RBFOX1: variants seen among roughly 807,000 people sequenced by gnomAD.
RBFOX1 encodes the protein RNA binding protein fox-1 homolog 1.
Under a neutral mutation model 57.7 loss-of-function variants are expected in RBFOX1, and 8 were observed. The observed-to-expected ratio is 0.14, with a 90% CI of 0.08 to 0.25. RBFOX1 has a LOEUF of 0.25. RBFOX1 is among the 10% of genes least tolerant of loss of function. RBFOX1 has a pLI of 1.00. For synonymous variants in RBFOX1, 326 were observed against 222.4 expected, an observed-to-expected ratio of 1.47 and a Z score of -4.15; for missense variants, 611 against 548.5, an observed-to-expected ratio of 1.11 and a Z score of -1.14.
Position 6,270,757 on chromosome 16 carries a change from AC to A in RBFOX1, c.-126-46237del, listed in dbSNP as rs759614640. Reference sequence around the variant, plus strand: ...TCAACATTATAGAACACTCCCAATGACAGCAGAAGGCGTTTCTTTTTCATGT... The same window carrying A: ...TCAACATTATAGAACACTCCCAATGAAGCAGAAGGCGTTTCTTTTTCATGT... On this transcript the variant is annotated intron_variant, in intron 1 of 15. Transcript: ENST00000550418. 3.3e-5 allele frequency among the ~76,000 whole-genome samples: 5 copies of A among 152,228 alleles called. 1 individual carries two copies. Among genetic ancestry groups the A allele is most frequent in the Admixed American group, 6.5e-5 (1 of 15,280 alleles).
chr16:6,328,872 A>G (rs2082679730), intron 2 of RBFOX1, among the ~76,000 whole-genome samples: 1 of 152,126 alleles, frequency 6.6e-6, no homozygotes, highest in Non-Finnish European at 1.5e-5. Context: ...GTTAAAGAAA[A>G]CCTTGTGCTC....
chr16:6,271,310 G>C (rs1326861023), intron 1 of RBFOX1, among the ~76,000 whole-genome samples: 1 of 152,156 alleles, frequency 6.6e-6, no homozygotes, highest in Non-Finnish European at 1.5e-5. Flanking sequence ...TGTAGTCCCA[G>C]CTACTGGGGA....
chr16:6,355,579 G>C (rs758296052), intron 2 of RBFOX1, among the ~76,000 whole-genome samples: 15 of 152,148 alleles, frequency 9.9e-5, no homozygotes, highest in Admixed American at 2.6e-4. Flanking sequence ...ATTGTGAATA[G>C]TGACACAATA....
intron 1 of RBFOX1, among the ~76,000 whole-genome samples, chr16:5,455,015 CTT>C (rs1491521279): frequency 7.0e-5 from 8 of 114,364 alleles, no homozygotes; most frequent in Admixed American, 2.0e-4. Context: ...TTCTTTCTTT[CTT>C]TCTTTCTCTC....
chr16:7,101,615 G>A (rs1353262898), intron 4 of RBFOX1, among the ~76,000 whole-genome samples: 1 of 152,140 alleles, frequency 6.6e-6, no homozygotes, highest in Admixed American at 6.5e-5. Context: ...AGACTCTGAT[G>A]AAAGGTTACT....
intron 4 of RBFOX1, among the ~76,000 whole-genome samples, chr16:5,899,081 C>G (rs12921038): frequency 0.29 from 41,916 of 143,482 alleles, 7,352 homozygotes; most frequent in South Asian, 0.51. Flanking sequence ...TTCCAGATCA[C>G]AAGCCCTTCT....
At chr16:6,553,788 A>G (rs1034089398) in intron 2 of RBFOX1, among the ~76,000 whole-genome samples, 1 of 152,146 alleles carries the variant, frequency 6.6e-6, no homozygotes, top group Non-Finnish European at 1.5e-5. Context: ...ACAGTTTCCT[A>G]AAGGGTAGAA....
chr16:7,463,649 C>T (rs1336635518), intron 4 of RBFOX1, among the ~76,000 whole-genome samples: 1 of 152,186 alleles, frequency 6.6e-6, no homozygotes, highest in Admixed American at 6.5e-5. Context: ...CTTAAACATT[C>T]AAACCATAGC....
intron 1 of RBFOX1, among the ~76,000 whole-genome samples, chr16:5,410,381 A>G (rs1213810604): frequency 6.6e-6 from 1 of 152,180 alleles, no homozygotes; most frequent in Non-Finnish European, 1.5e-5. Flanking sequence ...CAAAAAAAAA[A>G]AAAGAATAAA....
chr16:5,454,754 C>T (rs943293670), intron 1 of RBFOX1, among the ~76,000 whole-genome samples: 1 of 22,468 alleles, frequency 4.5e-5, no homozygotes, highest in South Asian at 9.4e-4. Flanking sequence ...TTTTTCTTTT[C>T]TTTTCTTTCT....
chr16:7,191,187 C>A (rs2085290843), intron 4 of RBFOX1, among the ~76,000 whole-genome samples: 2 of 152,190 alleles, frequency 1.3e-5, no homozygotes, highest in Admixed American at 6.5e-5. Flanking sequence ...CCTTTCAACC[C>A]CTCTCATTTT....
chr16:5,599,037 G>A (rs527263175), exon 3 of RBFOX1: 29 of 1,259,132 alleles, frequency 2.3e-5, no homozygotes, highest in African/African-American at 1.2e-4. Context: ...TTTGGTCTCC[G>A]TCATCAATCA....
chr16:5,632,940 C>CTTTTT (rs71142634), intron 3 of RBFOX1, among the ~76,000 whole-genome samples: 11,429 of 125,422 alleles, frequency 0.091, 1,010 homozygotes, highest in East Asian at 0.13. Flanking sequence ...TTAACAACTC[C>CTTTTT]TTTTTTTTTT....
At chr16:5,341,059 G>C (rs748503032) in intron 1 of RBFOX1, among the ~76,000 whole-genome samples, 2 of 152,194 alleles carry the variant, frequency 1.3e-5, no homozygotes, top group African/African-American at 4.8e-5. Context: ...TCTAGGCAGA[G>C]AGACTAGCCA....
At chr16:7,044,053 A>G (rs1466125054) in intron 3 of RBFOX1, among the ~76,000 whole-genome samples, 2 of 152,180 alleles carry the variant, frequency 1.3e-5, no homozygotes, top group Non-Finnish European at 2.9e-5. Context: ...GTAATTATCC[A>G]TAGACTCATC....
intron 1 of RBFOX1, among the ~76,000 whole-genome samples, chr16:6,290,213 G>C (rs56661447): frequency 0.027 from 3,241 of 122,116 alleles, 309 homozygotes; most frequent in African/African-American, 0.082. Flanking sequence ...AAAATAGATT[G>C]TTGTGAGCAT....
chr16:6,727,137 A>G (rs1015760455), intron 3 of RBFOX1, among the ~76,000 whole-genome samples: 6 of 150,758 alleles, frequency 4.0e-5, no homozygotes, highest in African/African-American at 1.2e-4. Context: ...TATATAAAAC[A>G]TGTATATATT....
At chr16:5,596,084 C>T (rs942195011) in intron 2 of RBFOX1, among the ~76,000 whole-genome samples, 1 of 152,062 alleles carries the variant, frequency 6.6e-6, no homozygotes, top group East Asian at 1.9e-4. Context: ...GGACCTCAGG[C>T]TCAGGGATGT....
At chr16:6,014,557 G>A (rs1343949820), upstream of RBFOX1, among the ~76,000 whole-genome samples, 1 of 152,156 alleles carries the variant, frequency 6.6e-6, no homozygotes, top group East Asian at 1.9e-4. Context: ...TATCTGCCAT[G>A]TGCCCAAGGA....
Sources: allele counts gnomAD v4.1 joint callset (sites outside exome capture counted in the v4.1 genomes callset), GRCh38; gene constraint gnomAD v4.1.1; transcripts MANE v1.5; gene names NCBI Gene and HGNC (gene_info 2026-07-23, HGNC 2026-07-21).